Variants in ZBTB20 observed in about 807,000 individuals in gnomAD.
The protein encoded by ZBTB20 is zinc finger and BTB domain containing 20.
In ZBTB20, 9 loss-of-function variants were observed where a neutral mutation model predicts 56.9. The observed-to-expected ratio is 0.16, with a 90% CI of 0.10 to 0.28. The LOEUF (loss-of-function observed/expected upper bound fraction) is 0.28, where lower values mean the gene tolerates loss of function less well. Among genes scored for constraint, ZBTB20 ranks in the 10% least tolerant of loss-of-function variants. ZBTB20 has a pLI of 1.00. For synonymous variants in ZBTB20, 417 were observed against 420.7 expected, an observed-to-expected ratio of 0.99 and a Z score of 0.11; for missense variants, 655 against 1,003.0, an observed-to-expected ratio of 0.65 and a Z score of 4.69.
chr3:114,418,580 T>C (rs2088817794), intron 7 of ZBTB20, among the ~76,000 whole-genome samples: 1 of 99,340 alleles, frequency 1.0e-5, no homozygotes, highest in Non-Finnish European at 2.7e-5. Context: ...AGATCTTGAG[T>C]ATATTAAAAA....
intron 2 of ZBTB20, among the ~76,000 whole-genome samples, chr3:115,009,380 G>T (rs139172204): frequency 0.015 from 2,319 of 151,890 alleles, 32 homozygotes; most frequent in South Asian, 0.049. Context: ...AAGCCAATAA[G>T]CCCAGGTGCT....
chr3:115,080,764 T>C (rs1273594618), intron 1 of ZBTB20, among the ~76,000 whole-genome samples: 2 of 152,180 alleles, frequency 1.3e-5, no homozygotes, highest in African/African-American at 4.8e-5. Flanking sequence ...AGAAATGCCA[T>C]CAGGGATTTT....
At chr3:114,785,514 A>G (rs115207185) in intron 5 of ZBTB20, among the ~76,000 whole-genome samples, 29 of 152,196 alleles carry the variant, frequency 1.9e-4, no homozygotes, top group African/African-American at 6.7e-4. Context: ...GATTTTAGGG[A>G]CAGAGGGAAG....
At chr3:114,479,229 GA>G (rs1036294296) in intron 7 of ZBTB20, among the ~76,000 whole-genome samples, 7 of 152,232 alleles carry the variant, frequency 4.6e-5, no homozygotes, top group African/African-American at 1.7e-4. Context: ...TTGGAGCACA[GA>G]AGGTGCTGAA....
intron 1 of ZBTB20, among the ~76,000 whole-genome samples, chr3:115,098,843 G>GA (rs1389961412): frequency 6.6e-6 from 1 of 152,042 alleles, no homozygotes; most frequent in South Asian, 2.1e-4. Flanking sequence ...AATTAAGGGG[G>GA]AAAAAAGTCT....
rs373066710 is a variant in ZBTB20, at chr3:114,532,057, C to T, written c.-294-31666G>A. Among the ~76,000 whole-genome samples the T allele has an allele frequency of 9.2e-5, 14 of 152,272 alleles. No homozygotes were observed. The East Asian group carries it at 1.4e-3, about 15-fold the overall frequency. On this transcript the variant is annotated intron_variant, in intron 6 of 11. Transcript: ENST00000675478. ...CCCTGGGTTTCAAGACAAAACTGGG[C>T]GGCCGTTTGGGCAGACACTGAGCTA... is the stretch of plus-strand genomic sequence containing the variant.
intron 2 of ZBTB20, among the ~76,000 whole-genome samples, chr3:115,024,101 AG>A (rs897224754): frequency 1.3e-5 from 2 of 151,160 alleles, no homozygotes; most frequent in Non-Finnish European, 3.0e-5. Flanking sequence ...ACTAAATGAG[AG>A]GACTACTGTT....
intron 7 of ZBTB20, among the ~76,000 whole-genome samples, chr3:114,429,893 G>A (rs942618612): frequency 1.3e-5 from 2 of 152,130 alleles, no homozygotes; most frequent in African/African-American, 2.4e-5. Context: ...TTTATATTAG[G>A]GACTTGAGCA....
chr3:114,945,778 T>C (rs993916865), intron 3 of ZBTB20, among the ~76,000 whole-genome samples: 1 of 145,354 alleles, frequency 6.9e-6, no homozygotes, highest in Middle Eastern at 3.5e-3. Flanking sequence ...ATTAATAATA[T>C]GCTATTTGCA....
intron 4 of ZBTB20, among the ~76,000 whole-genome samples, chr3:114,813,618 G>A (rs1185685558): frequency 6.6e-6 from 1 of 152,188 alleles, no homozygotes; most frequent in African/African-American, 2.4e-5. Flanking sequence ...GCGCATGGTG[G>A]CGCATACCTG....
intron 6 of ZBTB20, among the ~76,000 whole-genome samples, chr3:114,557,928 A>T (rs1394941658): frequency 1.3e-5 from 2 of 152,044 alleles, no homozygotes; most frequent in Non-Finnish European, 2.9e-5. Context: ...CAGTTGGTTG[A>T]CAAGGAATAA....
chr3:114,920,853 A>C (rs1212225050), intron 3 of ZBTB20, among the ~76,000 whole-genome samples: 1 of 152,078 alleles, frequency 6.6e-6, no homozygotes, highest in African/African-American at 2.4e-5. Flanking sequence ...AGATTACCCA[A>C]GGAAAAAAAG....
rs75496491 is a variant in ZBTB20 at position 114,797,946 on chromosome 3, G to A, written c.-343+3155C>T. Among the ~76,000 whole-genome samples the A allele has an allele frequency of 7.9e-3, 1,203 of 152,042 alleles. 18 individuals are homozygous for A. The highest frequency in any genetic ancestry group is 0.026 in the African/African-American group (1,081 of 41,522). On this transcript the variant is annotated intron_variant, in intron 5 of 11. Transcript: ENST00000675478. ...TTGGGTAAAATAACAGGTTTTTACCGTAGCCTCTTTGGATTGGTAAATGAC... is the reference window on the plus strand; with the variant it reads ...TTGGGTAAAATAACAGGTTTTTACCATAGCCTCTTTGGATTGGTAAATGAC...
chr3:114,859,094 A>T (rs546076226), intron 4 of ZBTB20, among the ~76,000 whole-genome samples: 6 of 151,718 alleles, frequency 4.0e-5, no homozygotes, highest in Non-Finnish European at 5.9e-5. Flanking sequence ...AATATTTTTT[A>T]AAAAAACAGA....
chr3:114,913,337 A>G (rs964192245), intron 3 of ZBTB20, among the ~76,000 whole-genome samples: 4 of 152,088 alleles, frequency 2.6e-5, no homozygotes, highest in Non-Finnish European at 5.9e-5. Context: ...ATGATCAATG[A>G]TGTTGAGCAC....
At chr3:114,401,456 A>AT (rs952530492) in intron 7 of ZBTB20, among the ~76,000 whole-genome samples, 13 of 151,978 alleles carry the variant, frequency 8.6e-5, no homozygotes, top group South Asian at 8.3e-4. Context: ...CTTTCAAAGG[A>AT]TTTTTTTTGT....
At chr3:114,343,973 C>T (rs1440959183) in intron 11 of ZBTB20, among the ~76,000 whole-genome samples, 1 of 151,862 alleles carries the variant, frequency 6.6e-6, no homozygotes, top group South Asian at 2.1e-4. Context: ...CACTTGAACC[C>T]GGGAGGTGGA....
intron 1 of ZBTB20, among the ~76,000 whole-genome samples, chr3:115,109,644 G>T (rs141246611): frequency 0.015 from 2,319 of 152,236 alleles, 33 homozygotes; most frequent in South Asian, 0.049. Context: ...AATAGAAGGA[G>T]GGGCTTTATA....
At chr3:114,484,294 C>T (rs778003973) in intron 7 of ZBTB20, among the ~76,000 whole-genome samples, 1 of 152,122 alleles carries the variant, frequency 6.6e-6, no homozygotes, top group African/African-American at 2.4e-5. Flanking sequence ...AACCCACCAA[C>T]GTAATAAAAG....
Sources: allele counts gnomAD v4.1 joint callset (sites outside exome capture counted in the v4.1 genomes callset), GRCh38; gene constraint gnomAD v4.1.1; transcripts MANE v1.5; gene names NCBI Gene and HGNC (gene_info 2026-07-23, HGNC 2026-07-21).